The following ST3GAL3 variants were observed in gnomAD, a reference collection of about 807,000 sequenced individuals.
ST3GAL3 encodes the protein CMP-N-acetylneuraminate-beta-1,4-galactoside alpha-2,3-sialyltransferase.
A neutral mutation model predicts 50.1 loss-of-function variants in ST3GAL3; 21 were observed. That is an observed-to-expected ratio of 0.42 (90% CI 0.30 to 0.60). ST3GAL3 has a LOEUF of 0.60. Ranked by LOEUF, ST3GAL3 falls within the 20% of genes least tolerant of loss-of-function variation. ST3GAL3 has a pLI of 0.19. For synonymous variants in ST3GAL3, 183 were observed against 190.0 expected, an observed-to-expected ratio of 0.96 and a Z score of 0.30; for missense variants, 353 against 489.4, an observed-to-expected ratio of 0.72 and a Z score of 2.63.
At chr1:43,892,011 TCAGCTCA>T (rs1031041810) in intron 5 of ST3GAL3, among the ~76,000 whole-genome samples, 5 of 152,330 alleles carry the variant, frequency 3.3e-5, no homozygotes, top group Admixed American at 2.6e-4. Flanking sequence ...TGGCGTGATC[TCAGCTCA>T]CTGCAACCTC....
chr1:43,734,988 G>A (rs1259752797), intron 1 of ST3GAL3, among the ~76,000 whole-genome samples: 3 of 151,992 alleles, frequency 2.0e-5, no homozygotes, highest in East Asian at 1.9e-4. Flanking sequence ...CAGGGTGGGT[G>A]AATTCCAGAC....
chr1:43,879,167 A>T (rs1020383732), intron 5 of ST3GAL3: 5 of 444,642 alleles, frequency 1.1e-5, no homozygotes, highest in African/African-American at 1.0e-4. Flanking sequence ...CCTTGGAAAG[A>T]TGCAGAGCCG....
intron 9 of ST3GAL3, among the ~76,000 whole-genome samples, chr1:43,904,290 G>C (rs2078773944): frequency 6.6e-6 from 1 of 152,110 alleles, no homozygotes; most frequent in South Asian, 2.1e-4. Flanking sequence ...ACCTTCACCT[G>C]TTCCCTGTTC....
At chr1:43,852,634 G>A (rs1055095334) in intron 5 of ST3GAL3, among the ~76,000 whole-genome samples, 5 of 152,194 alleles carry the variant, frequency 3.3e-5, no homozygotes, top group Non-Finnish European at 5.9e-5. Context: ...AAGGATGTGG[G>A]AAATGTTGAT....
intron 5 of ST3GAL3, 110 bp downstream of exon 5, chr1:43,838,421 G>T: frequency 9.5e-7 from 1 of 1,052,864 alleles, no homozygotes; most frequent in Non-Finnish European, 1.5e-6. Context: ...TGGAAACCAT[G>T]GGTTCCTGGA....
At chr1:43,784,177 T>C (rs2056970093) in intron 2 of ST3GAL3, among the ~76,000 whole-genome samples, 1 of 152,084 alleles carries the variant, frequency 6.6e-6, no homozygotes, top group Non-Finnish European at 1.5e-5. Context: ...ATCTCCTCCA[T>C]ATCTTCCCAG....
intron 2 of ST3GAL3, among the ~76,000 whole-genome samples, chr1:43,741,106 T>G (rs889287996): frequency 6.6e-6 from 1 of 152,074 alleles, no homozygotes; most frequent in Non-Finnish European, 1.5e-5. Flanking sequence ...GTGGAAGGAT[T>G]GCTTGAGCCC....
intron 1 of ST3GAL3, among the ~76,000 whole-genome samples, chr1:43,723,159 A>T (rs1671292211): frequency 6.7e-6 from 1 of 149,124 alleles, no homozygotes; most frequent in African/African-American, 2.5e-5. Context: ...CCCAGGCTGG[A>T]GTGCAGTGGC....
At chr1:43,816,926 A>G (rs2061314602) in intron 4 of ST3GAL3, among the ~76,000 whole-genome samples, 1 of 152,214 alleles carries the variant, frequency 6.6e-6, no homozygotes, top group Non-Finnish European at 1.5e-5. Context: ...TGTCTCACAG[A>G]TACCTGAGAA....
chr1:43,736,625 ATTC>A, intron 2 of ST3GAL3: 1 of 635,912 alleles, frequency 1.6e-6, no homozygotes. Context: ...AGAATGTGCT[ATTC>A]TTCAATAAAA....
chr1:43,824,363 TA>T (rs76516582), intron 4 of ST3GAL3, among the ~76,000 whole-genome samples: 405 of 139,130 alleles, frequency 2.9e-3, no homozygotes, highest in Middle Eastern at 3.6e-3. Context: ...TTTAATGCCT[TA>T]AAAAAAAAAA....
At chr1:43,781,670 C>T (rs1558272862) in intron 2 of ST3GAL3, among the ~76,000 whole-genome samples, 1 of 151,140 alleles carries the variant, frequency 6.6e-6, no homozygotes, top group Admixed American at 6.6e-5. Context: ...AACAAAAAAA[C>T]AGAAGGATAT....
chr1:43,817,776 CCTCCTT>C (rs2061572213), intron 4 of ST3GAL3, among the ~76,000 whole-genome samples: 2 of 33,744 alleles, frequency 5.9e-5, no homozygotes, highest in Admixed American at 2.6e-4. Context: ...TTCTTCTTCT[CCTCCTT>C]CTTCTCCTCC....
At chr1:43,927,120 G>A (rs11578313) in intron 11 of ST3GAL3, among the ~76,000 whole-genome samples, 87,724 of 152,114 alleles carry the variant, frequency 0.58, 30,025 homozygotes, top group Non-Finnish European at 0.77. Context: ...ACCTGAGGTC[G>A]GGAGTTCGAG....
At chr1:43,909,463 G>A (rs899377767) in intron 9 of ST3GAL3, among the ~76,000 whole-genome samples, 2 of 152,208 alleles carry the variant, frequency 1.3e-5, no homozygotes, top group Admixed American at 1.3e-4. Flanking sequence ...GGCATCACAC[G>A]GACCGCCCCA....
intron 1 of ST3GAL3, among the ~76,000 whole-genome samples, chr1:43,731,375 C>T (rs951338662): frequency 2.2e-5 from 3 of 133,972 alleles, no homozygotes; most frequent in Admixed American, 7.9e-5. Flanking sequence ...CCGCACCCAG[C>T]TAATTTTTTT....
intron 2 of ST3GAL3, chr1:43,738,247 T>G (rs1013240615): frequency 6.6e-6 from 1 of 152,222 alleles, no homozygotes; most frequent in Non-Finnish European, 1.5e-5. Context: ...CAAGCTGCTA[T>G]TCACTTGGGC....
At chr1:43,817,850 CTCCTCCTCCTCCTCT>C (rs1282093318) in intron 4 of ST3GAL3, among the ~76,000 whole-genome samples, 1 of 133,468 alleles carries the variant, frequency 7.5e-6, no homozygotes, top group Non-Finnish European at 1.7e-5. Flanking sequence ...TCTTCTCCTT[CTCCTCCTCCTCCTCT>C]TCCTCCTCCT....
chr1:43,731,489 A>G (rs1217752034), intron 1 of ST3GAL3, among the ~76,000 whole-genome samples: 11 of 140,140 alleles, frequency 7.8e-5, no homozygotes, highest in African/African-American at 1.4e-4. Context: ...GGTTCACGCC[A>G]TTCTCCTGCC....
Sources: allele counts gnomAD v4.1 joint callset (sites outside exome capture counted in the v4.1 genomes callset), GRCh38; gene constraint gnomAD v4.1.1; transcripts MANE v1.5; gene names NCBI Gene and HGNC (gene_info 2026-07-23, HGNC 2026-07-21).